The following PODXL variants were observed in gnomAD, a reference collection of about 807,000 sequenced individuals.
The protein encoded by PODXL is podocalyxin.
PODXL carries 20 observed loss-of-function variants against 48.9 expected under a neutral mutation model. That is an observed-to-expected ratio of 0.41 (90% CI 0.29 to 0.59). The LOEUF (loss-of-function observed/expected upper bound fraction) is 0.59. Among genes scored for constraint, PODXL ranks in the 20% least tolerant of loss-of-function variants. The pLI is 0.31. For synonymous variants in PODXL, 295 were observed against 287.4 expected, an observed-to-expected ratio of 1.03 and a Z score of -0.27; for missense variants, 606 against 675.1, an observed-to-expected ratio of 0.90 and a Z score of 1.13.
chr7:131,525,813 C>T (rs1733872), intron 1 of PODXL, among the ~76,000 whole-genome samples: 133,156 of 152,164 alleles, frequency 0.88, 58,476 homozygotes, highest in East Asian at 1. Context: ...ATTAAATAAA[C>T]TATAGATAAC....
chr7:131,548,159 A>T (rs1316084611), intron 1 of PODXL, among the ~76,000 whole-genome samples: 1 of 152,244 alleles, frequency 6.6e-6, no homozygotes, highest in Non-Finnish European at 1.5e-5. Context: ...ACTAAGTGGG[A>T]CCAGGCTTCC....
chr7:131,556,255 C>A lies in PODXL; in HGVS notation c.100+5G>T, dbSNP rs1198692682. 4 of 1,478,654 alleles carry A rather than the reference C, an allele frequency of 2.7e-6. No individual in the cohort carries two copies. The highest frequency in any genetic ancestry group is 3.6e-6 in the Non-Finnish European group (4 of 1,117,548). 91.6% of individuals were successfully genotyped at this position (1,478,654 alleles called of 1,614,324 possible). On this transcript the variant is annotated splice_donor_5th_base_variant and intron_variant, in intron 1 of 8. Coordinates refer to ENST00000378555, the MANE Select transcript of PODXL (RefSeq NM_001018111.3). ...GTCCCGGCGGAACCCAGGCCGGCCA[C>A]TCACCATTCTGGGAGGGCGACGGCG... is the stretch of plus-strand genomic sequence containing the variant.
Position 131,500,798 on chromosome 7 carries a change from C to T in PODXL, c.*3513G>A, listed in dbSNP as rs1334917525. On this transcript the variant is annotated 3_prime_UTR_variant, in exon 9 of 9. Coordinates refer to ENST00000378555, the MANE Select transcript of PODXL (RefSeq NM_001018111.3). ...GTAACAACTGGGAAAGGAATTCTGT[C>T]CTTTGTGTCATTCTGGCACCTTCGA... 6.6e-6 allele frequency: 1 copy of T among 152,166 alleles called. No individual in the cohort carries two copies. Among genetic ancestry groups the T allele is most frequent in the Non-Finnish European group, 1.5e-5 (1 of 68,028 alleles). 9.4% of individuals were successfully genotyped at this position (152,166 alleles called of 1,614,324 possible).
At chr7:131,509,172 C>T in intron 4 of PODXL, 144 bp from the exon 5 acceptor site, 1 of 862,088 alleles carries the variant, frequency 1.2e-6, no homozygotes, top group Non-Finnish European at 1.9e-6. Context: ...CCAGGTATGT[C>T]CTGGCTGCGT....
chr7:131,551,181 G>A (rs1365334316), intron 1 of PODXL, among the ~76,000 whole-genome samples: 1 of 152,174 alleles, frequency 6.6e-6, no homozygotes, highest in Non-Finnish European at 1.5e-5. Context: ...CAGGGTAGGA[G>A]TCACCATCCC....
At chr7:131,552,031 C>T (rs1374619931) in intron 1 of PODXL, among the ~76,000 whole-genome samples, 1 of 152,284 alleles carries the variant, frequency 6.6e-6, no homozygotes, top group South Asian at 2.1e-4. Flanking sequence ...CCCACAGAAG[C>T]CTTAACCTTC....
chr7:131,529,020 G>A (rs1261693223), intron 1 of PODXL, among the ~76,000 whole-genome samples: 1 of 152,110 alleles, frequency 6.6e-6, no homozygotes, highest in Admixed American at 6.6e-5. Context: ...TTTCAGAGGT[G>A]ATACAGTTTG....
chr7:131,536,858 C>T (rs952016852), intron 1 of PODXL, among the ~76,000 whole-genome samples: 1 of 152,222 alleles, frequency 6.6e-6, no homozygotes, highest in African/African-American at 2.4e-5. Context: ...GGTGCAGTGG[C>T]TTACACCTGC....
rs370661921 is a variant in PODXL, at chr7:131,556,313, G to A, written c.47C>T (p.Thr16Met). ...ALSALLLLLS[T>M]PPLLPSSPSP... ...CGGCGACGACGGCAGCAGCGGCGGCGTTGACAACAGTAGCAGCAGCGCCGA... is the reference window on the plus strand; with the variant it reads ...CGGCGACGACGGCAGCAGCGGCGGCATTGACAACAGTAGCAGCAGCGCCGA... The change falls in exon 1 of 9, where the codon ACG (threonine) becomes ATG (methionine). Residue 16 changes from threonine (T) to methionine (M), a missense_variant. Coordinates refer to ENST00000378555, the MANE Select transcript of PODXL (RefSeq NM_001018111.3). 1 of 1,507,366 alleles carries A rather than the reference G, an allele frequency of 6.6e-7. No individual in the cohort carries two copies. The highest frequency in any genetic ancestry group is 8.8e-7 in the Non-Finnish European group (1 of 1,132,412). 93.4% of individuals were successfully genotyped at this position (1,507,366 alleles called of 1,614,324 possible). A position where few individuals can be genotyped will look rare whatever the true frequency, so the allele number is the denominator to read the frequency against.
rs537767017 is a variant in PODXL at position 131,511,173 on chromosome 7, C to T, written c.361G>A (p.Glu121Lys). ...GGSGNPTTTI[E>K]SPKSTKSADT... The stretch of plus-strand genomic sequence containing the variant: ...GCACTTTTTGTGCTCTTGGGGCTCT[C>T]GATGGTGGTAGTAGGGTTGCCTGAG... Residue 121 changes from glutamate (E) to lysine (K), a missense_variant, in exon 2 of 9, where the codon GAG (glutamate) becomes AAG (lysine). Glu to Lys is a moderately conservative substitution (Grantham distance 56). Coordinates refer to ENST00000378555, the MANE Select transcript of PODXL (RefSeq NM_001018111.3). The T allele has an allele frequency of 2.0e-5, 33 of 1,613,860 alleles. No individual in the cohort carries two copies. Among genetic ancestry groups the T allele is most frequent in the South Asian group, 6.6e-5 (6 of 91,042 alleles).
intron 1 of PODXL, among the ~76,000 whole-genome samples, chr7:131,519,518 T>C (rs987899941): frequency 1.3e-5 from 2 of 150,456 alleles, no homozygotes; most frequent in South Asian, 4.2e-4. Context: ...CAAAATACAA[T>C]AGCACATATC....
intron 1 of PODXL, among the ~76,000 whole-genome samples, chr7:131,548,751 G>A (rs1798622872): frequency 6.6e-6 from 1 of 152,154 alleles, no homozygotes; most frequent in Non-Finnish European, 1.5e-5. Flanking sequence ...AGGATCCTTT[G>A]GGTGGGGACA....
At position 131,504,433 on chromosome 7, in the gene PODXL, A is replaced by C. The variant is rs1286379885; in HGVS notation, c.1555T>G (p.Ser519Ala). 2 of 1,614,080 alleles carry C rather than the reference A, an allele frequency of 1.2e-6. No homozygotes were observed. Among genetic ancestry groups the C allele is most frequent in the African/African-American group, 2.7e-5 (2 of 75,036 alleles). Residue 519 changes from serine (S) to alanine (A), a missense_variant, in exon 9 of 9, where the codon TCT (serine) becomes GCT (alanine). By Grantham distance (99) the Ser-to-Ala change is moderately conservative. Coordinates refer to ENST00000378555, the MANE Select transcript of PODXL (RefSeq NM_001018111.3). The stretch of plus-strand genomic sequence containing the variant: ...ACCTTCTTCTCCTGCATCTCAGAAG[A>C]GGTCTCCATCACTTCCAGTGTTGGG... ...DNPTLEVMET[S>A]SEMQEKKVVS...
In PODXL at chr7:131,556,527, G is replaced by A. The variant is rs1280558651; in HGVS notation, c.-168C>T. On this transcript the variant is annotated 5_prime_UTR_variant, in exon 1 of 9. Coordinates refer to ENST00000378555, the MANE Select transcript of PODXL (RefSeq NM_001018111.3). ...CGCGCTGCGGCGGCTCTTCCTCCCT[G>A]CCGCTGCAGCAGAGCCGGGCTGGGG... 1.3e-6 allele frequency: 1 copy of A among 776,990 alleles called. No homozygotes were observed. The allele number at this position is 776,990 out of a possible 1,614,324, so 48.1% of individuals were successfully genotyped here.
At position 131,510,857 on chromosome 7, in the gene PODXL, A is replaced by G; in HGVS notation, c.677T>C (p.Phe226Ser). 6.2e-7 allele frequency: 1 copy of G among 1,614,106 alleles called. No individual in the cohort carries two copies. Reference protein sequence around the residue: ...SSTVAIPGYTFTSPGMTTTLL... With the variant: ...SSTVAIPGYTSTSPGMTTTLL... ...GGTGGTGGTCATCCCCGGGCTTGTGAAGGTGTAGCCAGGGATAGCCACAGT... is the reference window on the plus strand; with the variant it reads ...GGTGGTGGTCATCCCCGGGCTTGTGGAGGTGTAGCCAGGGATAGCCACAGT... Residue 226 changes from phenylalanine to serine, a missense_variant, in exon 2 of 9, where the codon TTC becomes TCC. Phe to Ser is a radical substitution (Grantham distance 155, BLOSUM62 -2). Transcript: ENST00000378555.
In PODXL at chr7:131,508,968, TGA is replaced by T. The variant is rs1797860230; in HGVS notation, c.1082_1083del (p.Leu361HisfsTer13). 1 of 1,613,524 alleles carries T rather than the reference TGA, an allele frequency of 6.2e-7. No individual in the cohort carries two copies. Among genetic ancestry groups the T allele is most frequent in the Admixed American group, 1.7e-5 (1 of 60,006 alleles). On this transcript the variant is annotated frameshift_variant, in exon 5 of 9. Coordinates refer to ENST00000378555, the MANE Select transcript of PODXL (RefSeq NM_001018111.3). LOFTEE classifies it high-confidence loss of function. ...CTACTCACACAGAGGGTGTTTCCTG[TGA>T]GGTTCAGGACGAGCTGCTTCTCACT... Reference protein sequence around the residue: ...TQSEKQLVLNLTGNTLCAGGA... With the variant: ...TQSEKQLVLNXTGNTLCAGGA...
intron 1 of PODXL, among the ~76,000 whole-genome samples, chr7:131,539,333 A>G (rs1798435639): frequency 6.6e-6 from 1 of 152,262 alleles, no homozygotes; most frequent in Non-Finnish European, 1.5e-5. Context: ...TTTAGAATGT[A>G]TAAGCTCTTT....
chr7:131,527,939 G>A (rs1343281949), intron 1 of PODXL, among the ~76,000 whole-genome samples: 2 of 137,590 alleles, frequency 1.5e-5, no homozygotes, highest in Non-Finnish European at 3.0e-5. Context: ...AGTCTTGCTC[G>A]GTCACCCTGG....
chr7:131,518,288 ACT>A (rs1798034990), intron 1 of PODXL, among the ~76,000 whole-genome samples: 1 of 152,146 alleles, frequency 6.6e-6, no homozygotes, highest in South Asian at 2.1e-4. Flanking sequence ...TTCGAAATTA[ACT>A]CTGTCTGCTT....
Sources: allele counts gnomAD v4.1 joint callset (sites outside exome capture counted in the v4.1 genomes callset), GRCh38; gene constraint gnomAD v4.1.1; transcripts MANE v1.5; gene names NCBI Gene and HGNC (gene_info 2026-07-23, HGNC 2026-07-21).